The following VWC2 variants were observed in gnomAD, a reference collection of about 807,000 sequenced individuals.
The protein encoded by VWC2 is von Willebrand factor C domain containing 2.
In VWC2, 14 loss-of-function variants were observed where a neutral mutation model predicts 29.8. That is an observed-to-expected ratio of 0.47 (90% CI 0.31 to 0.74). The LOEUF (loss-of-function observed/expected upper bound fraction) is 0.74. Ranked by LOEUF, VWC2 falls within the 30% of genes least tolerant of loss-of-function variation. The probability of loss-of-function intolerance (pLI) is 0.05; values close to 1 mark genes in which losing one functional copy is unlikely to be tolerated. For missense variants in VWC2, 457 were observed against 459.8 expected (o/e 0.99, Z 0.05); for synonymous variants, 213 against 199.0 (o/e 1.07, Z -0.59).
intron 3 of VWC2, among the ~76,000 whole-genome samples, chr7:49,817,652 A>T (rs1425629313): frequency 6.6e-6 from 1 of 152,208 alleles, no homozygotes; most frequent in Non-Finnish European, 1.5e-5. Context: ...TTCAGGTATA[A>T]AAGAGTCCAT....
At chr7:49,845,454 A>C (rs1789916579) in intron 3 of VWC2, among the ~76,000 whole-genome samples, 1 of 152,208 alleles carries the variant, frequency 6.6e-6, no homozygotes, top group Admixed American at 6.5e-5. Context: ...GTGAGATAGC[A>C]AACCCTTGAC....
intron 3 of VWC2, among the ~76,000 whole-genome samples, chr7:49,832,547 G>C (rs1429568034): frequency 6.6e-6 from 1 of 152,148 alleles, no homozygotes; most frequent in Non-Finnish European, 1.5e-5. Flanking sequence ...TTTCCTTACA[G>C]GGTTAAAACA....
At chr7:49,907,935 G>C (rs1031843209) in intron 3 of VWC2, among the ~76,000 whole-genome samples, 1 of 152,122 alleles carries the variant, frequency 6.6e-6, no homozygotes, top group African/African-American at 2.4e-5. Flanking sequence ...GACCTATAAA[G>C]GTGCCAGACT....
rs530671755 is a variant in VWC2, at chr7:49,874,432, G to A, written c.827-37602G>A. Among the ~76,000 whole-genome samples, 302 of 151,804 alleles carry A rather than the reference G, an allele frequency of 2.0e-3. 1 individual carries two copies. Among genetic ancestry groups the A allele is most frequent in the South Asian group, 0.011 (51 of 4,808 alleles). ...TATCGTACAGCCTAGGTGTGTAGAAGGCTGTACTATCTAGGTCTGTGCAAG... is the reference window on the plus strand; with the variant it reads ...TATCGTACAGCCTAGGTGTGTAGAAAGCTGTACTATCTAGGTCTGTGCAAG... On this transcript the variant is annotated intron_variant, in intron 3 of 3. Transcript: ENST00000340652.
rs56327528 is a variant in VWC2 at position 49,892,500 on chromosome 7, A to G, written c.827-19534A>G. 3.5e-3 allele frequency among the ~76,000 whole-genome samples: 526 copies of G among 152,366 alleles called. 1 individual carries two copies. Among genetic ancestry groups the G allele is most frequent in the Middle Eastern group, 0.01 (3 of 294 alleles). On this transcript the variant is annotated intron_variant, in intron 3 of 3. Transcript: ENST00000340652. ...TACATTATGATTATCTAAGGAGTGC[A>G]GAGATAGGCAAACCTATTTTATTCT...
intron 2 of VWC2, among the ~76,000 whole-genome samples, chr7:49,789,480 TCTTA>T (rs1216489351): frequency 1.3e-5 from 2 of 152,144 alleles, no homozygotes; most frequent in Non-Finnish European, 2.9e-5. Flanking sequence ...GGCCTCATTT[TCTTA>T]CTTGACTGGT....
intron 3 of VWC2, among the ~76,000 whole-genome samples, chr7:49,858,015 G>A (rs1037249419): frequency 5.3e-5 from 8 of 152,084 alleles, no homozygotes; most frequent in Admixed American, 1.3e-4. Flanking sequence ...CTGTAACCTC[G>A]TGTCAATGAA....
intron 3 of VWC2, among the ~76,000 whole-genome samples, chr7:49,826,228 G>C (rs1455540290): frequency 6.6e-6 from 1 of 152,060 alleles, no homozygotes; most frequent in African/African-American, 2.4e-5. Context: ...CAGTTTTTCA[G>C]TGACGCCATC....
chr7:49,883,606 T>C (rs1257372699), intron 3 of VWC2, among the ~76,000 whole-genome samples: 1 of 152,120 alleles, frequency 6.6e-6, no homozygotes, highest in East Asian at 1.9e-4. Context: ...GGCATGTTCT[T>C]CCAAAGTTGT....
chr7:49,893,125 G>A (rs935180101), intron 3 of VWC2, among the ~76,000 whole-genome samples: 9 of 152,306 alleles, frequency 5.9e-5, no homozygotes, highest in Middle Eastern at 3.4e-3. Flanking sequence ...TTGAGCATGA[G>A]AATACTTTAG....
intron 3 of VWC2, among the ~76,000 whole-genome samples, chr7:49,888,635 G>A (rs569246779): frequency 1.3e-5 from 2 of 152,152 alleles, no homozygotes; most frequent in South Asian, 4.1e-4. Flanking sequence ...CTTTTGCCAG[G>A]CGCGGTGGCT....
intron 3 of VWC2, among the ~76,000 whole-genome samples, chr7:49,877,487 T>A (rs4917097): frequency 0.038 from 702 of 18,626 alleles, 178 homozygotes; most frequent in African/African-American, 0.13. Context: ...AAAAAATATA[T>A]ATATATATAT....
intron 3 of VWC2, among the ~76,000 whole-genome samples, chr7:49,803,588 G>A (rs1788798335): frequency 6.6e-6 from 1 of 152,230 alleles, no homozygotes; most frequent in Non-Finnish European, 1.5e-5. Context: ...GCTGACAGGA[G>A]CGACTGGGCT....
At chr7:49,834,656 A>AAAAT (rs1789615529) in intron 3 of VWC2, among the ~76,000 whole-genome samples, 1 of 152,242 alleles carries the variant, frequency 6.6e-6, no homozygotes, top group Non-Finnish European at 1.5e-5. Flanking sequence ...CCTTTAAAAT[A>AAAAT]TCTAGCTTAG....
chr7:49,854,463 G>C (rs531942334), intron 3 of VWC2, among the ~76,000 whole-genome samples: 2 of 152,252 alleles, frequency 1.3e-5, no homozygotes, highest in African/African-American at 4.8e-5. Flanking sequence ...CTGATGGCCA[G>C]TGATGATGAG....
At chr7:49,885,627 C>T (rs895116704) in intron 3 of VWC2, among the ~76,000 whole-genome samples, 3 of 152,144 alleles carry the variant, frequency 2.0e-5, no homozygotes, top group African/African-American at 7.2e-5. Flanking sequence ...TAAGAAAATA[C>T]CTCCTCTCAT....
chr7:49,813,119 G>A (rs1789051730), intron 3 of VWC2, among the ~76,000 whole-genome samples: 1 of 152,168 alleles, frequency 6.6e-6, no homozygotes, highest in South Asian at 2.1e-4. Context: ...TTCAAGCAGT[G>A]TTCTTCTCCG....
intron 2 of VWC2, among the ~76,000 whole-genome samples, chr7:49,789,340 A>AT: frequency 6.8e-6 from 1 of 147,064 alleles, no homozygotes; most frequent in African/African-American, 2.5e-5. Context: ...GGTGCGTGTG[A>AT]GTGTATATGT....
At chr7:49,849,354 A>C (rs1790084071) in intron 3 of VWC2, among the ~76,000 whole-genome samples, 1 of 152,226 alleles carries the variant, frequency 6.6e-6, no homozygotes, top group Non-Finnish European at 1.5e-5. Context: ...ACTGGAAATT[A>C]GATGGCTAAG....
Sources: allele counts gnomAD v4.1 joint callset (sites outside exome capture counted in the v4.1 genomes callset), GRCh38; gene constraint gnomAD v4.1.1; transcripts MANE v1.5; gene names NCBI Gene and HGNC (gene_info 2026-07-23, HGNC 2026-07-21).